DCC: variants seen among roughly 807,000 people sequenced by gnomAD.
DCC encodes the protein DCC netrin 1 receptor.
A neutral mutation model predicts 172.5 loss-of-function variants in DCC; 58 were observed. The ratio of observed to expected loss-of-function variants is 0.34; its 90% CI spans 0.27 to 0.42. The LOEUF (loss-of-function observed/expected upper bound fraction) is 0.42, where lower values mean the gene tolerates loss of function less well. Ranked by LOEUF, DCC falls within the 10% of genes least tolerant of loss-of-function variation. DCC has a pLI of 1.00. For synonymous variants in DCC, 709 were observed against 644.5 expected (o/e 1.10, Z -1.52); for missense variants, 1,740 against 1,791.0 (o/e 0.97, Z 0.51).
At chr18:53,389,849 C>G (rs1420591309) in intron 16 of DCC, among the ~76,000 whole-genome samples, 1 of 152,146 alleles carries the variant, frequency 6.6e-6, no homozygotes, top group East Asian at 1.9e-4. Flanking sequence ...AAGAATCACC[C>G]TATTTCAAAA....
chr18:53,184,881 T>C (rs1342129250), intron 9 of DCC, among the ~76,000 whole-genome samples: 2 of 152,168 alleles, frequency 1.3e-5, no homozygotes, highest in East Asian at 3.8e-4. Context: ...GCAAACTAAG[T>C]TGATCACAGC....
chr18:52,675,020 C>G (rs2035624948), intron 1 of DCC, among the ~76,000 whole-genome samples: 2 of 152,134 alleles, frequency 1.3e-5, no homozygotes, highest in Admixed American at 1.3e-4. Flanking sequence ...TATCACAACC[C>G]AGACATTCCT....
chr18:52,734,871 TG>T (rs1377517366), intron 1 of DCC, among the ~76,000 whole-genome samples: 2 of 152,138 alleles, frequency 1.3e-5, no homozygotes, highest in Admixed American at 6.6e-5. Context: ...TTCTTAACTT[TG>T]AGAGTAGTAA....
intron 11 of DCC, among the ~76,000 whole-genome samples, chr18:53,211,128 T>A (rs947000124): frequency 2.6e-5 from 4 of 152,328 alleles, no homozygotes; most frequent in African/African-American, 9.6e-5. Flanking sequence ...CAGAAGGACC[T>A]GATTTCATAG....
intron 14 of DCC, among the ~76,000 whole-genome samples, chr18:53,335,404 A>C (rs1263074956): frequency 6.6e-6 from 1 of 152,194 alleles, no homozygotes; most frequent in African/African-American, 2.4e-5. Context: ...ACTAGTATAT[A>C]GGAGATGCAT....
intron 12 of DCC, among the ~76,000 whole-genome samples, chr18:53,243,139 ATGTG>A (rs1461230445): frequency 6.6e-6 from 1 of 152,200 alleles, no homozygotes; most frequent in African/African-American, 2.4e-5. Flanking sequence ...ATTTTGGTTT[ATGTG>A]GCATAGATGC....
chr18:53,349,745 A>G (rs2057767349), intron 15 of DCC, among the ~76,000 whole-genome samples: 1 of 152,194 alleles, frequency 6.6e-6, no homozygotes, highest in Non-Finnish European at 1.5e-5. Context: ...AAATCTCATG[A>G]GACTCATTCA....
intron 12 of DCC, among the ~76,000 whole-genome samples, chr18:53,260,363 A>T (rs1343223764): frequency 1.3e-5 from 2 of 151,894 alleles, no homozygotes; most frequent in African/African-American, 2.4e-5. Flanking sequence ...GATGATGGTG[A>T]CGTACAGATG....
chr18:52,775,691 C>T (rs956856973), intron 2 of DCC, among the ~76,000 whole-genome samples: 3 of 152,212 alleles, frequency 2.0e-5, no homozygotes, highest in South Asian at 2.1e-4. Flanking sequence ...CTCCCTCATG[C>T]CCTCTTGCCA....
chr18:52,649,973 A>ATT (rs71175512), intron 1 of DCC, among the ~76,000 whole-genome samples: 4,977 of 106,780 alleles, frequency 0.047, 253 homozygotes, highest in African/African-American at 0.13. Flanking sequence ...TGATAGTTCT[A>ATT]TTTTTTTTTT....
intron 12 of DCC, among the ~76,000 whole-genome samples, chr18:53,215,868 C>T (rs1468448073): frequency 6.6e-6 from 1 of 152,128 alleles, no homozygotes; most frequent in Non-Finnish European, 1.5e-5. Context: ...TGGCCAAAGG[C>T]TATTCCATAA....
chr18:53,349,151 G>A (rs561669388), intron 15 of DCC, among the ~76,000 whole-genome samples: 11 of 152,270 alleles, frequency 7.2e-5, no homozygotes, highest in African/African-American at 2.2e-4. Flanking sequence ...CTTTGCTGCT[G>A]AGAAATTTAT....
At chr18:52,653,753 C>A (rs542342536) in intron 1 of DCC, among the ~76,000 whole-genome samples, 2 of 152,116 alleles carry the variant, frequency 1.3e-5, no homozygotes, top group African/African-American at 4.8e-5. Flanking sequence ...GGTCCTTCAC[C>A]TCAACTCTTA....
At chr18:53,115,439 G>A (rs1171810576) in intron 7 of DCC, among the ~76,000 whole-genome samples, 2 of 151,428 alleles carry the variant, frequency 1.3e-5, no homozygotes, top group Admixed American at 6.6e-5. Context: ...ACGGGTGGGG[G>A]CAGGGTAGTA....
At chr18:52,414,519 C>T (rs557001033) in intron 1 of DCC, among the ~76,000 whole-genome samples, 1 of 152,256 alleles carries the variant, frequency 6.6e-6, no homozygotes, top group East Asian at 1.9e-4. Flanking sequence ...AGTAGATGGA[C>T]CAGCTCCCTT....
At chr18:52,637,371 G>A (rs1374800911) in intron 1 of DCC, among the ~76,000 whole-genome samples, 1 of 152,122 alleles carries the variant, frequency 6.6e-6, no homozygotes, top group African/African-American at 2.4e-5. Flanking sequence ...TAATCAGGGA[G>A]GGACTAGAGA....
chr18:53,215,475 T>C, intron 11 of DCC, 73 bp from the exon 12 acceptor site: 1 of 1,211,688 alleles, frequency 8.3e-7, no homozygotes, highest in Non-Finnish European at 1.2e-6. Context: ...CACACTCTCT[T>C]TTTACTAGAC....
At chr18:53,119,158 C>T (rs777079214) in intron 7 of DCC, among the ~76,000 whole-genome samples, 3 of 151,796 alleles carry the variant, frequency 2.0e-5, no homozygotes, top group Non-Finnish European at 2.9e-5. Context: ...GAGACCAATG[C>T]ATGTCCACCC....
intron 7 of DCC, among the ~76,000 whole-genome samples, chr18:53,149,928 G>A (rs768653963): frequency 5.9e-5 from 9 of 152,080 alleles, no homozygotes; most frequent in African/African-American, 1.2e-4. Flanking sequence ...TAACAGACCC[G>A]TAGGTCCCCT....
Sources: gnomAD v4.1 joint callset for allele counts (sites outside exome capture counted in the v4.1 genomes callset) on GRCh38, gnomAD v4.1.1 for gene constraint, MANE v1.5 for transcripts, NCBI Gene and HGNC (gene_info 2026-07-23, HGNC 2026-07-21) for gene names.